Variants in FIG4 observed in about 807,000 individuals in gnomAD.
FIG4 encodes the protein FIG4 phosphoinositide 5-phosphatase.
FIG4 carries 112 observed loss-of-function variants against 118.6 expected under a neutral mutation model. The ratio of observed to expected loss-of-function variants is 0.94; its 90% CI spans 0.81 to 1.11. The LOEUF is 1.11. Among genes scored for constraint, FIG4 ranks in the 50% least tolerant of loss-of-function variants. The pLI is 0.00. For missense variants in FIG4, 969 were observed against 1,111.7 expected (o/e 0.87, Z 1.83); for synonymous variants, 369 against 381.2 (o/e 0.97, Z 0.37).
chr6:109,820,895 T>G (rs1461312677), intron 22 of FIG4, among the ~76,000 whole-genome samples: 1 of 151,888 alleles, frequency 6.6e-6, no homozygotes. Flanking sequence ...ATGATAGCAG[T>G]GTGTGTGCAA....
At chr6:109,724,151 A>G (rs1051026904) in intron 3 of FIG4, among the ~76,000 whole-genome samples, 3 of 152,050 alleles carry the variant, frequency 2.0e-5, no homozygotes, top group Non-Finnish European at 4.4e-5. Context: ...GAATCTGGAA[A>G]GGCACTTGGT....
At chr6:109,771,055 G>A (rs981819351) in intron 15 of FIG4, among the ~76,000 whole-genome samples, 1 of 152,212 alleles carries the variant, frequency 6.6e-6, no homozygotes, top group Non-Finnish European at 1.5e-5. Context: ...TAGTGAGATA[G>A]CCTTCTGAGG....
chr6:109,695,161 C>G (rs1774671781), intron 1 of FIG4, among the ~76,000 whole-genome samples: 1 of 152,178 alleles, frequency 6.6e-6, no homozygotes, highest in East Asian at 1.9e-4. Context: ...AAGCTAACTT[C>G]CGTCAAGGTC....
intron 10 of FIG4, among the ~76,000 whole-genome samples, chr6:109,744,746 C>A (rs1454645331): frequency 6.6e-6 from 1 of 151,918 alleles, no homozygotes; most frequent in African/African-American, 2.4e-5. Flanking sequence ...ACCCATCAAC[C>A]CGTCATCTAC....
intron 3 of FIG4, among the ~76,000 whole-genome samples, chr6:109,722,603 A>G (rs1775644708): frequency 6.6e-6 from 1 of 151,912 alleles, no homozygotes; most frequent in Non-Finnish European, 1.5e-5. Context: ...AGCTAGATAT[A>G]AGATTCTTAT....
chr6:109,694,134 G>A (rs972182973), intron 1 of FIG4, among the ~76,000 whole-genome samples: 5 of 151,966 alleles, frequency 3.3e-5, no homozygotes, highest in Non-Finnish European at 7.4e-5. Context: ...ATATTATTTA[G>A]TAAAGAAAAA....
intron 22 of FIG4, among the ~76,000 whole-genome samples, chr6:109,805,632 C>A (rs1778545362): frequency 6.6e-6 from 1 of 152,258 alleles, no homozygotes; most frequent in Admixed American, 6.5e-5. Flanking sequence ...CCTGAAATGT[C>A]TGAATAAAAT....
chr6:109,774,859 C>G (rs1777574186), intron 15 of FIG4, among the ~76,000 whole-genome samples: 1 of 152,086 alleles, frequency 6.6e-6, no homozygotes, highest in Non-Finnish European at 1.5e-5. Context: ...CACCCCCACC[C>G]CAATACTATT....
chr6:109,757,593 G>A (rs928879825), intron 10 of FIG4, among the ~76,000 whole-genome samples: 2 of 152,138 alleles, frequency 1.3e-5, no homozygotes, highest in African/African-American at 4.8e-5. Flanking sequence ...CTTCAACATG[G>A]TATGGGAAGT....
chr6:109,724,013 A>G (rs933584672), intron 3 of FIG4, among the ~76,000 whole-genome samples: 1 of 152,154 alleles, frequency 6.6e-6, no homozygotes, highest in Admixed American at 6.5e-5. Flanking sequence ...GACATTAATT[A>G]TCAAGAGTCC....
chr6:109,728,060 A>G (rs1412658388), intron 4 of FIG4, among the ~76,000 whole-genome samples: 1 of 152,192 alleles, frequency 6.6e-6, no homozygotes, highest in African/African-American at 2.4e-5. Context: ...CATACTAGTG[A>G]TCTTGAATCA....
At chr6:109,746,509 A>G (rs1458194480) in intron 10 of FIG4, among the ~76,000 whole-genome samples, 1 of 152,122 alleles carries the variant, frequency 6.6e-6, no homozygotes, top group African/African-American at 2.4e-5. Flanking sequence ...GCCCTAGGAC[A>G]GGAGGAAGTG....
At chr6:109,726,754 T>C (rs995155634) in intron 3 of FIG4, among the ~76,000 whole-genome samples, 2 of 152,166 alleles carry the variant, frequency 1.3e-5, no homozygotes, top group Non-Finnish European at 2.9e-5. Context: ...GAATGTTTTT[T>C]CATTTGTTTG....
chr6:109,788,589 G>A (rs1477868625), intron 18 of FIG4, among the ~76,000 whole-genome samples: 1 of 152,184 alleles, frequency 6.6e-6, no homozygotes, highest in Admixed American at 6.5e-5. Flanking sequence ...AAAGTACCAC[G>A]AGGATTGATT....
intron 1 of FIG4, chr6:109,701,636 A>G (rs1453340325): frequency 6.4e-6 from 3 of 467,832 alleles, no homozygotes; most frequent in Non-Finnish European, 1.3e-5. Context: ...ATATGTATGC[A>G]TTTATTGCCT....
At chr6:109,693,448 CAA>C (rs1416480666) in intron 1 of FIG4, among the ~76,000 whole-genome samples, 4 of 152,160 alleles carry the variant, frequency 2.6e-5, no homozygotes, top group Non-Finnish European at 5.9e-5. Context: ...AGCTCTAACA[CAA>C]AGAGATAGAG....
intron 22 of FIG4, among the ~76,000 whole-genome samples, chr6:109,809,931 C>G (rs532920684): frequency 6.6e-6 from 1 of 152,172 alleles, no homozygotes; most frequent in Non-Finnish European, 1.5e-5. Flanking sequence ...TTTTCCATCT[C>G]TCTGCTCCCC....
chr6:109,819,270 C>T (rs1778941591), intron 22 of FIG4, among the ~76,000 whole-genome samples: 2 of 152,128 alleles, frequency 1.3e-5, no homozygotes, highest in Non-Finnish European at 2.9e-5. Flanking sequence ...TGACCTCATC[C>T]CACTAGGCAA....
Position 109,825,099 on chromosome 6 carries a change from C to T in FIG4, c.2558C>T (p.Ser853Leu), listed in dbSNP as rs774805375. The change falls in exon 23 of 23, where the codon TCG (serine) becomes TTG (leucine). Residue 853 changes from serine (S) to leucine (L), a missense_variant. By Grantham distance (145) the Ser-to-Leu change is moderately radical. Coordinates refer to ENST00000230124, the MANE Select transcript of FIG4 (RefSeq NM_014845.6). ...TTCATCTTTTATAGAACACCCATCT[C>T]GGCTTTCTCGCAAGATAACATCTAT... is the stretch of plus-strand genomic sequence containing the variant. ...SDGVIKLTPI[S>L]AFSQDNIYEV... is the part of the protein sequence containing the mutation. 29 of 1,613,604 alleles carry T rather than the reference C, an allele frequency of 1.8e-5. No homozygotes were observed. The highest frequency in any genetic ancestry group is 2.3e-5 in the Non-Finnish European group (27 of 1,179,650).
Sources: gnomAD v4.1 joint callset for allele counts (sites outside exome capture counted in the v4.1 genomes callset) on GRCh38, gnomAD v4.1.1 for gene constraint, MANE v1.5 for transcripts, NCBI Gene and HGNC (gene_info 2026-07-23, HGNC 2026-07-21) for gene names.